EBI3: variants seen among roughly 807,000 people sequenced by gnomAD.
EBI3 encodes Epstein-Barr virus induced 3.
EBI3 carries 19 observed loss-of-function variants against 21.3 expected under a neutral mutation model. That is an observed-to-expected ratio of 0.89 (90% CI 0.62 to 1.31). The LOEUF is 1.31. Among genes scored for constraint, EBI3 ranks in the 50% most tolerant of loss-of-function variants. EBI3 has a pLI of 0.00. For missense variants in EBI3, 331 were observed against 314.0 expected, an observed-to-expected ratio of 1.05 and a Z score of -0.41; for synonymous variants, 154 against 131.2, an observed-to-expected ratio of 1.17 and a Z score of -1.19.
At position 4,229,581 on chromosome 19, in the gene EBI3, C is replaced by A. The variant is rs768730792; in HGVS notation, c.31C>A (p.Leu11Ile). 1.2e-5 allele frequency: 19 copies of A among 1,611,130 alleles called. 1 individual carries two copies. The highest frequency in any genetic ancestry group is 2.5e-6 in the Non-Finnish European group (3 of 1,179,032). Residue 11 changes from leucine (L) to isoleucine (I), a missense_variant, in exon 1 of 5, where the codon CTC (leucine) becomes ATC (isoleucine). Leu to Ile is a conservative substitution (Grantham distance 5, BLOSUM62 2). Coordinates refer to ENST00000221847, the MANE Select transcript of EBI3 (RefSeq NM_005755.3). Reference protein sequence around the residue: MTPQLLLALVLWASCPPCSGR... With the variant: MTPQLLLALVIWASCPPCSGR... Reference sequence around the variant, plus strand: ...CCCGCAGCTTCTCCTGGCCCTTGTCCTCTGGGCCAGCTGCCCGCCCTGCAG... The same window carrying A: ...CCCGCAGCTTCTCCTGGCCCTTGTCATCTGGGCCAGCTGCCCGCCCTGCAG...
In EBI3 at chr19:4,237,316, C is replaced by G; in HGVS notation, c.*228C>G. On this transcript the variant is annotated 3_prime_UTR_variant, in exon 5 of 5. Coordinates refer to ENST00000221847, the MANE Select transcript of EBI3 (RefSeq NM_005755.3). ...CTCTCCTTTACCTTTACCTTTACCA[C>G]AGTGCAGGGCTGACTGAACTGTCAC... 1 of 374,836 alleles carries G rather than the reference C, an allele frequency of 2.7e-6. No individual in the cohort carries two copies. Among genetic ancestry groups the G allele is most frequent in the East Asian group, 4.1e-5 (1 of 24,404 alleles). 23.2% of individuals were successfully genotyped at this position (374,836 alleles called of 1,614,324 possible). A position where few individuals can be genotyped will look rare whatever the true frequency, so the allele number is the denominator to read the frequency against.
intron 3 of EBI3, among the ~76,000 whole-genome samples, chr19:4,234,229 A>G (rs1169828378): frequency 6.6e-6 from 1 of 151,954 alleles, no homozygotes; most frequent in Non-Finnish European, 1.5e-5. Flanking sequence ...AAACAAAACA[A>G]AAATTGCGGC....
intron 3 of EBI3, 27 bp downstream of exon 3, chr19:4,233,334 G>C (rs765800203): frequency 6.5e-7 from 1 of 1,546,714 alleles, no homozygotes. Context: ...GTGGGGGCGG[G>C]GGCGGGGCTG....
intron 1 of EBI3, among the ~76,000 whole-genome samples, chr19:4,229,884 G>C (rs1426923055): frequency 1.3e-5 from 2 of 152,146 alleles, no homozygotes; most frequent in East Asian, 3.9e-4. Flanking sequence ...TAGCTACACA[G>C]ACATGCGAAT....
At chr19:4,232,740 G>A (rs1320760732) in intron 2 of EBI3, among the ~76,000 whole-genome samples, 1 of 103,056 alleles carries the variant, frequency 9.7e-6, no homozygotes, top group Non-Finnish European at 1.9e-5. Context: ...ATGAATGAAT[G>A]AAGGGATGAA....
chr19:4,231,323 G>A lies in EBI3; in HGVS notation c.200G>A (p.Arg67Lys). Reference protein sequence around the residue: ...TSPVSFIATYRLGMAARGHSW... With the variant: ...TSPVSFIATYKLGMAARGHSW... ...CCCGTGTCCTTCATTGCCACGTACA[G>A]GTCGGAGAGCCTGGAAGGGGGCCTC... is the stretch of plus-strand genomic sequence containing the variant. Residue 67 changes from arginine to lysine, a missense_variant and splice_region_variant, in exon 2 of 5, where the codon AGG becomes AAG. By Grantham distance (26) the Arg-to-Lys change is conservative (BLOSUM62 2). Transcript: ENST00000221847. 1.2e-6 allele frequency: 2 copies of A among 1,604,904 alleles called. No individual in the cohort carries two copies. The highest frequency in any genetic ancestry group is 1.7e-6 in the Non-Finnish European group (2 of 1,176,994).
chr19:4,232,233 AAAAAAAAAAAAAGAAAAG>A (rs1970790144), intron 2 of EBI3, among the ~76,000 whole-genome samples: 1 of 141,070 alleles, frequency 7.1e-6, no homozygotes, highest in African/African-American at 2.8e-5. Flanking sequence ...AAAAAAAAAA[AAAAAAAAAAAAAGAAAAG>A]AAAAGAAAAG....
chr19:4,232,891 T>C (rs1316176441), intron 2 of EBI3: 1 of 437,176 alleles, frequency 2.3e-6, no homozygotes, highest in African/African-American at 2.0e-5. Flanking sequence ...TCCCGGACCC[T>C]AGCATCTAGC....
At chr19:4,236,163 GA>G (rs1328435599) in intron 4 of EBI3, among the ~76,000 whole-genome samples, 9 of 152,120 alleles carry the variant, frequency 5.9e-5, no homozygotes, top group Non-Finnish European at 1.2e-4. Flanking sequence ...AGAACAGCCT[GA>G]CCAACATGGT....
chr19:4,231,434 C>T lies in EBI3; in HGVS notation c.200+111C>T, dbSNP rs751503022. The T allele has an allele frequency of 4.4e-6, 6 of 1,379,260 alleles. No homozygotes were observed. In the Admixed American group the frequency reaches 1.9e-4, roughly 43 times the overall value. The allele number at this position is 1,379,260 out of a possible 1,614,324, so 85.4% of individuals were successfully genotyped here. Reference sequence around the variant, plus strand: ...AAACTGGAGACCCCGACATCCTGAACCCCAGGCCTATGGAATTCTAGGGCG... The same window carrying T: ...AAACTGGAGACCCCGACATCCTGAATCCCAGGCCTATGGAATTCTAGGGCG... On this transcript the variant is annotated intron_variant, in intron 2 of 4. Transcript: ENST00000221847.
intron 4 of EBI3, among the ~76,000 whole-genome samples, chr19:4,236,543 A>AAAAAAAAAAAAAAAAAAAAAAAAAAAAAG (rs869283945): frequency 6.7e-6 from 1 of 149,674 alleles, no homozygotes; most frequent in Non-Finnish European, 1.5e-5. Context: ...AAAAAAAAAA[A>AAAAAAAAAAAAAAAAAAAAAAAAAAAAAG]GCATGGTTAA....
In EBI3 at chr19:4,234,753, C is replaced by A; in HGVS notation, c.466C>A (p.Pro156Thr). 1.2e-6 allele frequency: 2 copies of A among 1,614,142 alleles called. No individual in the cohort carries two copies. Among genetic ancestry groups the A allele is most frequent in the Non-Finnish European group, 1.7e-6 (2 of 1,180,014 alleles). Reference protein sequence around the residue: ...QVQWEPPGSWPFPEIFSLKYW... With the variant: ...QVQWEPPGSWTFPEIFSLKYW... ...GCAGTGGGAGCCTCCCGGGTCCTGG[C>A]CCTTCCCAGAGATCTTCTCACTGAA... The change falls in exon 4 of 5, where the codon CCC becomes ACC. Residue 156 changes from proline to threonine, a missense_variant. Coordinates refer to ENST00000221847, the MANE Select transcript of EBI3 (RefSeq NM_005755.3).
chr19:4,232,344 G>A (rs1970792975), intron 2 of EBI3, among the ~76,000 whole-genome samples: 1 of 151,954 alleles, frequency 6.6e-6, no homozygotes, highest in Admixed American at 6.6e-5. Flanking sequence ...CTACTCTGGA[G>A]GCTGAGGTGG....
chr19:4,232,759 TGAATGAAGGAATGAATTAATG>T (rs1970798171), intron 2 of EBI3, among the ~76,000 whole-genome samples: 1 of 43,238 alleles, frequency 2.3e-5, no homozygotes, highest in Non-Finnish European at 4.6e-5. Context: ...AATTAATGAA[TGAATGAAGGAATGAATTAATG>T]AATGAATGAA....
In EBI3 at chr19:4,233,107, C is replaced by T. The variant is rs201405161; in HGVS notation, c.201-22C>T. ...GGCCACAGGCACTCCCTGAGGCGCT[C>T]AGCGAGCCCCACCCTGTGCAGGCTC... On this transcript the variant is annotated intron_variant, in intron 2 of 4. Coordinates refer to ENST00000221847, the MANE Select transcript of EBI3 (RefSeq NM_005755.3). 1.3e-3 allele frequency: 1,984 copies of T among 1,551,696 alleles called. 5 individuals are homozygous for T. The highest frequency in any genetic ancestry group is 1.6e-3 in the Non-Finnish European group (1,830 of 1,157,126).
rs1218188547 is a variant in EBI3, at chr19:4,232,752, TAATG to T, written c.201-366_201-363del. On this transcript the variant is annotated intron_variant, in intron 2 of 4. Coordinates refer to ENST00000221847, the MANE Select transcript of EBI3 (RefSeq NM_005755.3). ...TGAATGAATGAATGAAGGGATGAATTAATGAATGAATGAAGGAATGAATTAATGA... is the reference window on the plus strand; with the variant it reads ...TGAATGAATGAATGAAGGGATGAATTAATGAATGAAGGAATGAATTAATGA... 2.1e-4 allele frequency among the ~76,000 whole-genome samples: 7 copies of T among 33,784 alleles called. No individual in the cohort carries two copies. In the African/African-American group the frequency reaches 2.3e-3, roughly 11 times the overall value. 22.2% of individuals were successfully genotyped at this position (33,784 alleles called of 152,430 possible). A position where few individuals can be genotyped will look rare whatever the true frequency, so the allele number is the denominator to read the frequency against.
intron 3 of EBI3, 40 bp downstream of exon 3, chr19:4,233,347 G>C (rs878862830): frequency 6.5e-7 from 1 of 1,533,280 alleles, no homozygotes; most frequent in South Asian, 1.2e-5. Flanking sequence ...CGGGGCTGCC[G>C]TCTCCTTCCA....
intron 2 of EBI3, 23 bp downstream of exon 2, chr19:4,231,346 C>G: frequency 6.3e-7 from 1 of 1,587,064 alleles, no homozygotes; most frequent in South Asian, 1.1e-5. Flanking sequence ...GGAAGGGGGC[C>G]TCAGGGACAC....
chr19:4,229,731 A>T, intron 1 of EBI3, 114 bp downstream of exon 1: 1 of 1,128,022 alleles, frequency 8.9e-7, no homozygotes, highest in Non-Finnish European at 1.2e-6. Flanking sequence ...CAATGGTGGG[A>T]TGGGGTTACC....
Sources: gnomAD v4.1 joint callset for allele counts (sites outside exome capture counted in the v4.1 genomes callset) on GRCh38, gnomAD v4.1.1 for gene constraint, MANE v1.5 for transcripts, NCBI Gene and HGNC (gene_info 2026-07-23, HGNC 2026-07-21) for gene names.